The following ALPK3 variants were observed in gnomAD, a reference collection of about 807,000 sequenced individuals.
ALPK3 encodes the protein alpha-protein kinase 3.
Under a neutral mutation model 140.0 loss-of-function variants are expected in ALPK3, and 102 were observed. The ratio of observed to expected loss-of-function variants is 0.73; its 90% CI spans 0.62 to 0.86. The LOEUF (loss-of-function observed/expected upper bound fraction) is 0.86, where lower values mean the gene tolerates loss of function less well. ALPK3 is among the 40% of genes least tolerant of loss of function. ALPK3 has a pLI of 0.00. For missense variants in ALPK3, 2,254 were observed against 2,208.2 expected, an observed-to-expected ratio of 1.02 and a Z score of -0.42; for synonymous variants, 938 against 898.5, an observed-to-expected ratio of 1.04 and a Z score of -0.79.
Position 84,857,471 on chromosome 15 carries a change from A to T in ALPK3, c.2733A>T (p.Thr911=). The T allele has an allele frequency of 6.2e-7, 1 of 1,610,462 alleles. No homozygotes were observed. Among genetic ancestry groups the T allele is most frequent in the Non-Finnish European group, 8.5e-7 (1 of 1,177,704 alleles). Residue 911 remains threonine, a synonymous_variant, in exon 6 of 14, where the codon ACA becomes ACT. Transcript: ENST00000258888. ...EDQVLMSSAP[T]LHLGLGTPTQ... ...AGGTCCTGATGAGTTCTGCCCCAAC[A>T]CTGCACCTGGGGCTGGGGACCCCCA...
At position 84,873,469 on chromosome 15, in the gene ALPK3, C is replaced by G. The variant is rs901212258; in HGVS notation, c.*5013C>G. On this transcript the variant is annotated 3_prime_UTR_variant, in exon 14 of 14. Transcript: ENST00000258888. Reference sequence around the variant, plus strand: ...GAGTGAACATATCAATAAAGACAACCTGAACCAAAATTATATCTTGGTCAT... The same window carrying G: ...GAGTGAACATATCAATAAAGACAACGTGAACCAAAATTATATCTTGGTCAT... The G allele has an allele frequency of 1.3e-5, 2 of 152,050 alleles. No individual in the cohort carries two copies. The highest frequency in any genetic ancestry group is 2.9e-5 in the Non-Finnish European group (2 of 68,030). 9.4% of individuals were successfully genotyped at this position (152,050 alleles called of 1,614,324 possible). A position where few individuals can be genotyped will look rare whatever the true frequency, so the allele number is the denominator to read the frequency against.
Position 84,856,793 on chromosome 15 carries a change from G to T in ALPK3, c.2055G>T (p.Lys685Asn). 1 of 1,614,076 alleles carries T rather than the reference G, an allele frequency of 6.2e-7. No individual in the cohort carries two copies. The highest frequency in any genetic ancestry group is 8.5e-7 in the Non-Finnish European group (1 of 1,180,024). Residue 685 changes from lysine (K) to asparagine (N), a missense_variant, in exon 6 of 14, where the codon AAG becomes AAT. Physicochemically the swap from Lys to Asn is moderately conservative, Grantham distance 94. Transcript: ENST00000258888. The stretch of plus-strand genomic sequence containing the variant: ...GTGAGAAGATACAGGAAGACAGGAA[G>T]GCCCAGGCAGATAAGGGCACACAGG... Reference protein sequence around the residue: ...QAGEKIQEDRKAQADKGTQED... With the variant: ...QAGEKIQEDRNAQADKGTQED...
chr15:84,867,176 A>C, intron 12 of ALPK3, 141 bp from the exon 13 acceptor site: 3 of 533,534 alleles, frequency 5.6e-6, no homozygotes. Flanking sequence ...AGTTGATGCC[A>C]GCCTGGGCTG....
chr15:84,839,096 A>G lies in ALPK3; in HGVS notation c.421A>G (p.Arg141Gly). 1 of 1,604,792 alleles carries G rather than the reference A, an allele frequency of 6.2e-7. No individual in the cohort carries two copies. The highest frequency in any genetic ancestry group is 8.5e-7 in the Non-Finnish European group (1 of 1,175,222). Residue 141 changes from arginine to glycine, a missense_variant and splice_region_variant, in exon 4 of 14, where the codon AGG becomes GGG. Physicochemically the swap from Arg to Gly is moderately radical, Grantham distance 125. Transcript: ENST00000258888. ...QGNRHTLQLY[R>G]CREEDAAIYQ... The stretch of plus-strand genomic sequence containing the variant: ...CAACCGCCACACACTGCAGCTGTAC[A>G]GGTGAGGGAGAAGGGCCTGTTTTGC...
chr15:84,825,682 G>C (rs1348502088), intron 2 of ALPK3, among the ~76,000 whole-genome samples: 1 of 152,166 alleles, frequency 6.6e-6, no homozygotes, highest in Non-Finnish European at 1.5e-5. Flanking sequence ...ACATAATTAG[G>C]GATGGTTTGA....
In ALPK3 at chr15:84,858,629, A is replaced by C. The variant is rs368628855; in HGVS notation, c.3817+74A>C. ...AAAGCACACTGCTGCTGCTGCTAAC[A>C]GCACTACCCCATGACAGATAGCATA... On this transcript the variant is annotated intron_variant, in intron 6 of 13. Coordinates refer to ENST00000258888, the MANE Select transcript of ALPK3 (RefSeq NM_020778.5). 2.0e-6 allele frequency: 3 copies of C among 1,485,840 alleles called. No homozygotes were observed. The East Asian group carries it at 6.9e-5, about 34-fold the overall frequency. 92.0% of individuals were successfully genotyped at this position (1,485,840 alleles called of 1,614,324 possible).
chr15:84,852,952 TTG>T (rs1030236771), intron 5 of ALPK3, among the ~76,000 whole-genome samples: 1 of 152,138 alleles, frequency 6.6e-6, no homozygotes, highest in African/African-American at 2.4e-5. Flanking sequence ...CAAGACAGAA[TTG>T]TTGGCAGATC....
In ALPK3 at chr15:84,857,136, C is replaced by T; in HGVS notation, c.2398C>T (p.Leu800Phe). The T allele has an allele frequency of 6.2e-7, 1 of 1,614,142 alleles. No homozygotes were observed. The highest frequency in any genetic ancestry group is 8.5e-7 in the Non-Finnish European group (1 of 1,179,978). ...GGGTCCCCTGTCAGGGAACCTCATG[C>T]TCCCAGCACAGCCGCCCCATGAGGG... ...VLGPLSGNLM[L>F]PAQPPHEGSV... is the part of the protein sequence containing the mutation. The change falls in exon 6 of 14, where the codon CTC becomes TTC. Residue 800 changes from leucine to phenylalanine, a missense_variant. By Grantham distance (22) the Leu-to-Phe change is conservative. This residue lies in a region of ALPK3 where 2,088 missense variants were observed against 2,022.9 expected (regional missense o/e 1.03). Coordinates refer to ENST00000258888, the MANE Select transcript of ALPK3 (RefSeq NM_020778.5).
intron 10 of ALPK3, 145 bp downstream of exon 10, chr15:84,863,060 A>T (rs1485304788): frequency 1.7e-6 from 2 of 1,168,704 alleles, no homozygotes; most frequent in East Asian, 4.9e-5. Context: ...ACCTTGTGGA[A>T]AGCCTGAGAT....
rs753198574 is a variant in ALPK3, at chr15:84,859,235, G to T, written c.3818-8G>T. On this transcript the variant is annotated splice_polypyrimidine_tract_variant and splice_region_variant and intron_variant, in intron 6 of 13. Transcript: ENST00000258888. The stretch of plus-strand genomic sequence containing the variant: ...GGTGTTCCCCTCTTGACTGGGCCCT[G>T]CTCTCAGCCCCACAGGTGATCCGGA... 1.9e-6 allele frequency: 3 copies of T among 1,613,944 alleles called. No homozygotes were observed. The Admixed American group carries it at 5.0e-5, about 27-fold the overall frequency.
At position 84,868,184 on chromosome 15, in the gene ALPK3, T is replaced by A. The variant is rs1423204681; in HGVS notation, c.4846T>A (p.Tyr1616Asn). ...RFASSHQCNA[Y>N]CELLGLTPLK... ...CGCCTCCTCCCACCAGTGCAATGCC[T>A]ACTGTGAGCTGCTGGGGCTGACACC... The change falls in exon 14 of 14, where the codon TAC becomes AAC. Residue 1616 changes from tyrosine to asparagine, a missense_variant. Transcript: ENST00000258888. The A allele has an allele frequency of 6.2e-7, 1 of 1,614,076 alleles. No homozygotes were observed. The highest frequency in any genetic ancestry group is 1.7e-5 in the Admixed American group (1 of 60,010).
chr15:84,847,622 AT>A lies in ALPK3; in HGVS notation c.1653+6699del, dbSNP rs200386295. On this transcript the variant is annotated intron_variant, in intron 5 of 13. Transcript: ENST00000258888. The stretch of plus-strand genomic sequence containing the variant: ...GGAGGCCAAAAGGAAGTGGAACAAC[AT>A]TTTTTTTTAATGCTAAAAAAAAGAA... 2.1e-3 allele frequency among the ~76,000 whole-genome samples: 314 copies of A among 151,188 alleles called. 5 individuals carry two copies. The East Asian group carries it at 0.048, about 23-fold the overall frequency.
Position 84,859,462 on chromosome 15 carries a change from T to C in ALPK3, c.3965+72T>C, listed in dbSNP as rs375759136. 3.1e-5 allele frequency: 49 copies of C among 1,563,948 alleles called. No individual in the cohort carries two copies. The South Asian group carries it at 5.7e-4, about 18-fold the overall frequency. ...GTAATACCGTTGGGCACTGTCCTAG[T>C]GCTTTGAACCTATCGCCTCATTAAT... On this transcript the variant is annotated intron_variant, in intron 7 of 13. Coordinates refer to ENST00000258888, the MANE Select transcript of ALPK3 (RefSeq NM_020778.5).
chr15:84,857,854 G>T lies in ALPK3; in HGVS notation c.3116G>T (p.Arg1039Leu), dbSNP rs375717780. ...CTGCTGAGCCCCTGTACCTCCCGCC[G>T]CCTCACCGGCCTCCTGGACCGTGAG... ...TLLLSPCTSR[R>L]LTGLLDREVQ... Residue 1039 changes from arginine to leucine, a missense_variant, in exon 6 of 14, where the codon CGC becomes CTC. Around this residue, in one of 3 missense-constraint regions of ALPK3, gnomAD observed 2,088 missense variants for 2,022.9 expected, o/e 1.03. Coordinates refer to ENST00000258888, the MANE Select transcript of ALPK3 (RefSeq NM_020778.5). The T allele has an allele frequency of 6.2e-7, 1 of 1,611,858 alleles. No individual in the cohort carries two copies. Among genetic ancestry groups the T allele is most frequent in the African/African-American group, 1.3e-5 (1 of 75,042 alleles).
chr15:84,858,196 C>A lies in ALPK3; in HGVS notation c.3458C>A (p.Ala1153Glu). 1 of 1,612,506 alleles carries A rather than the reference C, an allele frequency of 6.2e-7. No homozygotes were observed. Among genetic ancestry groups the A allele is most frequent in the South Asian group, 1.1e-5 (1 of 90,846 alleles). ...GGGGAGGCTCTGACAGGTCTCCCGG[C>A]AGCTACACCTGAGGAACTGGCTCTA... ...FPGEALTGLP[A>E]ATPEELALGA... The change falls in exon 6 of 14, where the codon GCA (alanine) becomes GAA (glutamate). Residue 1153 changes from alanine to glutamate, a missense_variant. This residue lies in a region of ALPK3 where 2,088 missense variants were observed against 2,022.9 expected (regional missense o/e 1.03). Coordinates refer to ENST00000258888, the MANE Select transcript of ALPK3 (RefSeq NM_020778.5).
chr15:84,823,339 C>A lies in ALPK3; in HGVS notation c.153C>A (p.Ser51Arg). 2 of 1,614,208 alleles carry A rather than the reference C, an allele frequency of 1.2e-6. No individual in the cohort carries two copies. Among genetic ancestry groups the A allele is most frequent in the South Asian group, 1.1e-5 (1 of 91,078 alleles). Reference sequence around the variant, plus strand: ...TGCTGTTTTTGCTTAGCTTATCAAGCAACCGGTTGTCTCACCCCAGCTCTG... The same window carrying A: ...TGCTGTTTTTGCTTAGCTTATCAAGAAACCGGTTGTCTCACCCCAGCTCTG... ...LSVRPETSLS[S>R]NRLSHPSSGR... The change falls in exon 2 of 14, where the codon AGC (serine) becomes AGA (arginine). Residue 51 changes from serine to arginine, a missense_variant. By Grantham distance (110) the Ser-to-Arg change is moderately radical (BLOSUM62 -1). This residue lies in a region of ALPK3 where 2,088 missense variants were observed against 2,022.9 expected (regional missense o/e 1.03). Transcript: ENST00000258888.
chr15:84,868,067 T>A, intron 13 of ALPK3, 44 bp from the exon 14 acceptor site: 1 of 1,564,602 alleles, frequency 6.4e-7, no homozygotes, highest in Middle Eastern at 1.7e-4. Flanking sequence ...AGGAACTGTG[T>A]CTCTGGTTGG....
intron 5 of ALPK3, 112 bp downstream of exon 5, chr15:84,841,044 T>G: frequency 7.2e-7 from 1 of 1,383,732 alleles, no homozygotes; most frequent in African/African-American, 1.5e-5. Flanking sequence ...TAGAAAGGGG[T>G]GGGGAGGGAC....
Position 84,839,033 on chromosome 15 carries a change from T to C in ALPK3, c.358T>C (p.Tyr120His). 1.2e-6 allele frequency: 2 copies of C among 1,613,740 alleles called. No individual in the cohort carries two copies. Among genetic ancestry groups the C allele is most frequent in the Non-Finnish European group, 1.7e-6 (2 of 1,179,804 alleles). The change falls in exon 4 of 14, where the codon TAC becomes CAC. Residue 120 changes from tyrosine (Y) to histidine (H), a missense_variant. Transcript: ENST00000258888. ...WYKDDTELDRYCGLPKYEITH... is the reference protein window; with the variant it reads ...WYKDDTELDRHCGLPKYEITH... Reference sequence around the variant, plus strand: ...CAAGGATGATACGGAGCTGGACCGCTACTGTGGCTTGCCAAAATATGAGAT... The same window carrying C: ...CAAGGATGATACGGAGCTGGACCGCCACTGTGGCTTGCCAAAATATGAGAT...
Sources: allele counts gnomAD v4.1 joint callset (sites outside exome capture counted in the v4.1 genomes callset), GRCh38; gene constraint gnomAD v4.1.1; regional missense constraint gnomAD v4.1.1; transcripts MANE v1.5; gene names NCBI Gene and HGNC (gene_info 2026-07-23, HGNC 2026-07-21).